UNC5C: variants seen among roughly 807,000 people sequenced by gnomAD.
The protein encoded by UNC5C is netrin receptor UNC5C.
Under a neutral mutation model 99.8 loss-of-function variants are expected in UNC5C, and 47 were observed. That is an observed-to-expected ratio of 0.47 (90% confidence interval 0.37 to 0.60). UNC5C has a LOEUF of 0.60. UNC5C is among the 20% of genes least tolerant of loss of function. The pLI, the probability that UNC5C is intolerant of heterozygous loss-of-function variation, is 0.00. For synonymous variants in UNC5C, 487 were observed against 452.2 expected (o/e 1.08, Z -0.98); for missense variants, 1,062 against 1,165.9 (o/e 0.91, Z 1.30).
intron 4 of UNC5C, 62 bp from the exon 5 acceptor site, chr4:95,250,729 C>T (rs1739672356): frequency 1.3e-6 from 2 of 1,520,842 alleles, no homozygotes; most frequent in Admixed American, 1.8e-5. Context: ...GCTGTCTGTC[C>T]TAACCTGCAT....
intron 1 of UNC5C, among the ~76,000 whole-genome samples, chr4:95,404,042 TTCTTC>T (rs533085620): frequency 1.5e-3 from 224 of 152,342 alleles, no homozygotes; most frequent in Non-Finnish European, 2.3e-3. Flanking sequence ...CATGTAAACT[TTCTTC>T]TCTTCCATTT....
At chr4:95,536,807 G>A (rs1169824212) in intron 1 of UNC5C, among the ~76,000 whole-genome samples, 2 of 152,158 alleles carry the variant, frequency 1.3e-5, no homozygotes, top group Admixed American at 1.3e-4. Context: ...TGAGTTATAT[G>A]CTAAAGACGA....
chr4:95,432,269 G>A (rs1746655476), intron 1 of UNC5C, among the ~76,000 whole-genome samples: 4 of 152,026 alleles, frequency 2.6e-5, no homozygotes, highest in South Asian at 4.2e-4. Flanking sequence ...TACTTTCATC[G>A]TTCCTGCAGT....
At chr4:95,511,312 G>A (rs988501864) in intron 1 of UNC5C, among the ~76,000 whole-genome samples, 1 of 151,978 alleles carries the variant, frequency 6.6e-6, no homozygotes, top group Non-Finnish European at 1.5e-5. Context: ...GTTAATATCG[G>A]GTTAATATCA....
intron 1 of UNC5C, among the ~76,000 whole-genome samples, chr4:95,398,394 G>A (rs529199297): frequency 1.3e-5 from 2 of 151,998 alleles, no homozygotes; most frequent in Non-Finnish European, 2.9e-5. Context: ...CCAAACTAGT[G>A]AGATAACAGA....
intron 12 of UNC5C, among the ~76,000 whole-genome samples, chr4:95,189,564 T>G (rs1736982547): frequency 2.0e-5 from 3 of 152,168 alleles, no homozygotes. Flanking sequence ...ACCTACAGAA[T>G]GGGAGAAAAT....
At chr4:95,369,221 TACTTG>T (rs1325506895) in intron 1 of UNC5C, among the ~76,000 whole-genome samples, 5 of 151,864 alleles carry the variant, frequency 3.3e-5, no homozygotes, top group Non-Finnish European at 5.9e-5. Context: ...TTACCAGAAA[TACTTG>T]ACTTTAATTC....
intron 1 of UNC5C, among the ~76,000 whole-genome samples, chr4:95,538,414 C>T (rs1037368880): frequency 1.3e-5 from 2 of 152,174 alleles, no homozygotes; most frequent in African/African-American, 2.4e-5. Context: ...TCACTGAATG[C>T]AAAACAAACT....
intron 1 of UNC5C, among the ~76,000 whole-genome samples, chr4:95,476,513 T>A (rs749696844): frequency 6.6e-6 from 1 of 151,898 alleles, no homozygotes; most frequent in African/African-American, 2.4e-5. Flanking sequence ...AGAACTGGGG[T>A]GTCCTTTAGT....
At chr4:95,476,508 T>G (rs1196737272) in intron 1 of UNC5C, among the ~76,000 whole-genome samples, 2 of 152,130 alleles carry the variant, frequency 1.3e-5, no homozygotes, top group East Asian at 3.9e-4. Flanking sequence ...TTTTTAGAAC[T>G]GGGGTGTCCT....
intron 1 of UNC5C, among the ~76,000 whole-genome samples, chr4:95,395,779 T>G (rs1023428416): frequency 1.3e-5 from 2 of 152,130 alleles, no homozygotes; most frequent in Non-Finnish European, 2.9e-5. Context: ...GAGAGAAACA[T>G]GACAATGTGG....
intron 1 of UNC5C, among the ~76,000 whole-genome samples, chr4:95,448,688 A>T (rs1578169785): frequency 6.6e-6 from 1 of 152,262 alleles, no homozygotes; most frequent in East Asian, 1.9e-4. Context: ...ATTGAATTAC[A>T]ACTACCAAGC....
chr4:95,294,063 A>T (rs537855060), intron 3 of UNC5C, among the ~76,000 whole-genome samples: 11 of 152,354 alleles, frequency 7.2e-5, no homozygotes, highest in African/African-American at 2.4e-4. Flanking sequence ...AAGAAAGAAA[A>T]GTATTTCATA....
chr4:95,428,492 G>A (rs75617197), intron 1 of UNC5C, among the ~76,000 whole-genome samples: 1,704 of 152,238 alleles, frequency 0.011, 27 homozygotes, highest in Non-Finnish European at 0.02. Context: ...AACATGGAAA[G>A]GGGCTCAATG....
chr4:95,452,167 T>C (rs1747295861), intron 1 of UNC5C, among the ~76,000 whole-genome samples: 1 of 152,180 alleles, frequency 6.6e-6, no homozygotes, highest in South Asian at 2.1e-4. Context: ...TATTTTTCCC[T>C]AGTGAAAAGT....
At chr4:95,187,376 TC>T (rs1178550606) in intron 12 of UNC5C, among the ~76,000 whole-genome samples, 2 of 152,302 alleles carry the variant, frequency 1.3e-5, no homozygotes, top group East Asian at 3.9e-4. Context: ...CGAAATTATC[TC>T]CCTGGGATGT....
intron 12 of UNC5C, among the ~76,000 whole-genome samples, chr4:95,193,061 C>T (rs191250218): frequency 2.2e-4 from 33 of 152,298 alleles, no homozygotes; most frequent in Non-Finnish European, 3.7e-4. Flanking sequence ...GGCTGGAAGG[C>T]GATGAAATCC....
chr4:95,187,916 C>G (rs1283316073), intron 12 of UNC5C, among the ~76,000 whole-genome samples: 1 of 152,182 alleles, frequency 6.6e-6, no homozygotes, highest in African/African-American at 2.4e-5. Flanking sequence ...CCCATCAGGA[C>G]ACACCCATGC....
chr4:95,317,702 G>A (rs1272712439), intron 2 of UNC5C, among the ~76,000 whole-genome samples: 2 of 152,104 alleles, frequency 1.3e-5, no homozygotes, highest in African/African-American at 4.8e-5. Flanking sequence ...CAGCAGACTG[G>A]GGGAGGCCTC....
Sources: allele counts gnomAD v4.1 joint callset (sites outside exome capture counted in the v4.1 genomes callset), GRCh38; gene constraint gnomAD v4.1.1; transcripts MANE v1.5; gene names NCBI Gene and HGNC (gene_info 2026-07-23, HGNC 2026-07-21).